NXPH2: variants seen among roughly 807,000 people sequenced by gnomAD.
The protein encoded by NXPH2 is neurexophilin-2.
NXPH2 carries 5 observed loss-of-function variants against 19.8 expected under a neutral mutation model. The observed-to-expected ratio is 0.25, with a 90% confidence interval of 0.13 to 0.53. The LOEUF is 0.53. Ranked by LOEUF, NXPH2 falls within the 20% of genes least tolerant of loss-of-function variation. The pLI is 0.96. For missense variants in NXPH2, 289 were observed against 322.8 expected, an observed-to-expected ratio of 0.90 and a Z score of 0.80; for synonymous variants, 154 against 127.4, an observed-to-expected ratio of 1.21 and a Z score of -1.41.
At chr2:138,729,188 T>A (rs1681407329) in intron 1 of NXPH2, among the ~76,000 whole-genome samples, 1 of 152,182 alleles carries the variant, frequency 6.6e-6, no homozygotes. Context: ...CATCTTGAAT[T>A]GTAGTTCCCA....
At chr2:138,705,107 G>A (rs558387610) in intron 1 of NXPH2, among the ~76,000 whole-genome samples, 101 of 152,094 alleles carry the variant, frequency 6.6e-4, no homozygotes, top group Middle Eastern at 3.4e-3. Context: ...GATAACAGGC[G>A]TGAGCCACCA....
intron 1 of NXPH2, among the ~76,000 whole-genome samples, chr2:138,759,528 G>A (rs1681969521): frequency 6.6e-6 from 1 of 151,910 alleles, no homozygotes; most frequent in African/African-American, 2.4e-5. Context: ...AGAGTACCAA[G>A]GACAGAAAGA....
chr2:138,705,465 T>G (rs1382900339), intron 1 of NXPH2, among the ~76,000 whole-genome samples: 3 of 152,198 alleles, frequency 2.0e-5, no homozygotes, highest in African/African-American at 7.2e-5. Context: ...TTTGGCAGTC[T>G]AAAGACCCAG....
At chr2:138,733,273 A>G (rs1213973509) in intron 1 of NXPH2, among the ~76,000 whole-genome samples, 3 of 152,228 alleles carry the variant, frequency 2.0e-5, no homozygotes, top group Non-Finnish European at 4.4e-5. Flanking sequence ...AAAGAAATCA[A>G]GATAAACAAA....
At chr2:138,773,547 T>C (rs1558934305) in intron 1 of NXPH2, among the ~76,000 whole-genome samples, 1 of 152,130 alleles carries the variant, frequency 6.6e-6, no homozygotes, top group Non-Finnish European at 1.5e-5. Flanking sequence ...GGAATAGAAA[T>C]CACATGTGTT....
intron 1 of NXPH2, among the ~76,000 whole-genome samples, chr2:138,688,525 A>G (rs1340948458): frequency 1.3e-5 from 2 of 152,162 alleles, no homozygotes; most frequent in Non-Finnish European, 2.9e-5. Context: ...CCTGTTACCT[A>G]GAGCAGTGGT....
At chr2:138,771,407 T>C (rs1428420836) in intron 1 of NXPH2, among the ~76,000 whole-genome samples, 1 of 151,492 alleles carries the variant, frequency 6.6e-6, no homozygotes. Context: ...ATGCCCTGAG[T>C]ATAAGGTATG....
intron 1 of NXPH2, among the ~76,000 whole-genome samples, chr2:138,682,146 A>G (rs1680589044): frequency 6.6e-6 from 1 of 152,218 alleles, no homozygotes. Flanking sequence ...ACAACAGAAA[A>G]AAACCCAAAA....
At chr2:138,675,795 G>C (rs146752850) in intron 1 of NXPH2, among the ~76,000 whole-genome samples, 2,246 of 152,126 alleles carry the variant, frequency 0.015, 24 homozygotes, top group Non-Finnish European at 0.021. Flanking sequence ...ACACACTACT[G>C]TTGAGGTCCA....
chr2:138,723,359 T>A (rs1389078527), intron 1 of NXPH2, among the ~76,000 whole-genome samples: 1 of 152,208 alleles, frequency 6.6e-6, no homozygotes, highest in East Asian at 1.9e-4. Context: ...TGGTTGAGTG[T>A]ATTTAGCAGA....
chr2:138,762,142 C>G (rs886781899), intron 1 of NXPH2, among the ~76,000 whole-genome samples: 2 of 152,152 alleles, frequency 1.3e-5, no homozygotes, highest in Admixed American at 6.5e-5. Context: ...TATGACACTT[C>G]TAGCTTGTCC....
chr2:138,760,523 A>G (rs189789905), intron 1 of NXPH2, among the ~76,000 whole-genome samples: 3 of 152,336 alleles, frequency 2.0e-5, no homozygotes, highest in South Asian at 4.1e-4. Context: ...TGAATAAATC[A>G]TCTATCATCA....
At chr2:138,760,769 A>G (rs1431657910) in intron 1 of NXPH2, among the ~76,000 whole-genome samples, 1 of 152,236 alleles carries the variant, frequency 6.6e-6, no homozygotes, top group African/African-American at 2.4e-5. Context: ...AGATCACTGC[A>G]TACTAAAAGT....
chr2:138,689,363 G>T (rs1680710912), intron 1 of NXPH2, among the ~76,000 whole-genome samples: 1 of 152,178 alleles, frequency 6.6e-6, no homozygotes, highest in Non-Finnish European at 1.5e-5. Context: ...TGGTGGAGGG[G>T]CTTGGTCAGA....
chr2:138,728,655 T>C (rs1681398465), intron 1 of NXPH2, among the ~76,000 whole-genome samples: 1 of 152,232 alleles, frequency 6.6e-6, no homozygotes, highest in South Asian at 2.1e-4. Flanking sequence ...TATAAATGTG[T>C]CCTGTAGTTT....
At chr2:138,758,234 C>T (rs964908254) in intron 1 of NXPH2, among the ~76,000 whole-genome samples, 1 of 152,044 alleles carries the variant, frequency 6.6e-6, no homozygotes, top group Non-Finnish European at 1.5e-5. Context: ...AATATTATTT[C>T]CTAGGGTCTA....
At chr2:138,741,954 C>G (rs1448344262) in intron 1 of NXPH2, among the ~76,000 whole-genome samples, 1 of 152,182 alleles carries the variant, frequency 6.6e-6, no homozygotes, top group African/African-American at 2.4e-5. Flanking sequence ...ACAGTTACAA[C>G]TTCCACAAAA....
chr2:138,773,402 C>G (rs1029972094), intron 1 of NXPH2, among the ~76,000 whole-genome samples: 2 of 152,128 alleles, frequency 1.3e-5, no homozygotes, highest in Admixed American at 1.3e-4. Flanking sequence ...ATCATTACTA[C>G]AAAATGTTAA....
At chr2:138,772,970 T>C (rs1280839606) in intron 1 of NXPH2, among the ~76,000 whole-genome samples, 3 of 152,208 alleles carry the variant, frequency 2.0e-5, no homozygotes, top group Non-Finnish European at 2.9e-5. Flanking sequence ...ACGAAAGAAT[T>C]TTGCAAACCA....
Sources: gnomAD v4.1 joint callset for allele counts (sites outside exome capture counted in the v4.1 genomes callset) on GRCh38, gnomAD v4.1.1 for gene constraint, MANE v1.5 for transcripts, NCBI Gene and HGNC (gene_info 2026-07-23, HGNC 2026-07-21) for gene names.